Variants in SNTG2 observed in about 807,000 individuals in gnomAD.
SNTG2 encodes the protein gamma-2-syntrophin.
Under a neutral mutation model 70.9 loss-of-function variants are expected in SNTG2, and 74 were observed. The ratio of observed to expected loss-of-function variants is 1.04; its 90% CI spans 0.86 to 1.27. SNTG2 has a LOEUF of 1.27. Among genes scored for constraint, SNTG2 ranks in the 50% most tolerant of loss-of-function variants. The pLI is 0.00. For missense variants in SNTG2, 717 were observed against 690.7 expected (o/e 1.04, Z -0.43); for synonymous variants, 278 against 273.8 (o/e 1.02, Z -0.15).
At chr2:1,189,012 T>C (rs946855639) in intron 8 of SNTG2, among the ~76,000 whole-genome samples, 1 of 152,080 alleles carries the variant, frequency 6.6e-6, no homozygotes, top group South Asian at 2.1e-4. Context: ...CAAAACATGA[T>C]TATTGTCAAA....
intron 14 of SNTG2, among the ~76,000 whole-genome samples, chr2:1,301,784 T>TA (rs533637487): frequency 6.6e-6 from 1 of 151,954 alleles, no homozygotes; most frequent in East Asian, 1.9e-4. Flanking sequence ...CATTTTCTGA[T>TA]AAAAAAAATT....
At chr2:1,004,748 T>G (rs114304377) in intron 1 of SNTG2, among the ~76,000 whole-genome samples, 1,649 of 152,302 alleles carry the variant, frequency 0.011, 32 homozygotes, top group African/African-American at 0.036. Flanking sequence ...GGAAGACAGT[T>G]TGGTGGTTTC....
At chr2:1,230,210 G>A (rs1289310611) in intron 9 of SNTG2, among the ~76,000 whole-genome samples, 2 of 152,208 alleles carry the variant, frequency 1.3e-5, no homozygotes, top group Non-Finnish European at 2.9e-5. Context: ...CTTTGAAATG[G>A]AAAAAGGAAA....
intron 6 of SNTG2, among the ~76,000 whole-genome samples, chr2:1,151,363 TG>T (rs920834645): frequency 6.6e-6 from 1 of 152,034 alleles, no homozygotes; most frequent in Non-Finnish European, 1.5e-5. Context: ...CGTTTGTTGT[TG>T]GTTTGTTGGT....
chr2:1,361,871 G>T lies in SNTG2; in HGVS notation c.1489-5472G>T, dbSNP rs1216403965. 5.7e-3 allele frequency among the ~76,000 whole-genome samples: 442 copies of T among 77,006 alleles called. 1 individual carries two copies. Among genetic ancestry groups the T allele is most frequent in the East Asian group, 0.011 (20 of 1,826 alleles). The allele number at this position is 77,006 out of a possible 152,430, so 50.5% of individuals were successfully genotyped here. On this transcript the variant is annotated intron_variant, in intron 16 of 16. Coordinates refer to ENST00000308624, the MANE Select transcript of SNTG2 (RefSeq NM_018968.4). ...GCATTTCAGTAGAACTTCCATGAAA[G>T]TCACCAACGCTGAGCATTTCAGTAG...
At chr2:1,308,330 G>C (rs1227577162) in intron 14 of SNTG2, among the ~76,000 whole-genome samples, 164 bp from the exon 15 acceptor site, 2 of 152,170 alleles carry the variant, frequency 1.3e-5, no homozygotes, top group Non-Finnish European at 2.9e-5. Flanking sequence ...AGTTGTTCCT[G>C]TGGGTCTCCC....
chr2:1,222,348 G>A (rs146398034), intron 9 of SNTG2, among the ~76,000 whole-genome samples: 220 of 152,356 alleles, frequency 1.4e-3, no homozygotes, highest in African/African-American at 4.6e-3. Context: ...AGATAAATTC[G>A]TAACAAGTTG....
Position 1,206,545 on chromosome 2 carries a change from C to T in SNTG2, c.592-2558C>T, listed in dbSNP as rs538958466. Among the ~76,000 whole-genome samples, 10 of 152,228 alleles carry T rather than the reference C, an allele frequency of 6.6e-5. No homozygotes were observed. The South Asian group carries it at 2.1e-3, about 32-fold the overall frequency. Reference sequence around the variant, plus strand: ...TTAGCTCACAGAGACCTGACTTCTCCCCTAGCTGCTAGGTTATAGAAAATA... The same window carrying T: ...TTAGCTCACAGAGACCTGACTTCTCTCCTAGCTGCTAGGTTATAGAAAATA... On this transcript the variant is annotated intron_variant, in intron 8 of 16. Transcript: ENST00000308624.
intron 4 of SNTG2, among the ~76,000 whole-genome samples, chr2:1,115,904 C>G (rs754190851): frequency 2.0e-5 from 3 of 152,346 alleles, no homozygotes; most frequent in Non-Finnish European, 4.4e-5. Context: ...AATGTTCAAG[C>G]CCCATTCTGC....
intron 1 of SNTG2, among the ~76,000 whole-genome samples, chr2:1,016,886 C>G (rs1318066004): frequency 6.6e-6 from 1 of 152,168 alleles, no homozygotes; most frequent in Admixed American, 6.6e-5. Context: ...CAAAACCAGC[C>G]AGGACCAGAT....
intron 2 of SNTG2, among the ~76,000 whole-genome samples, chr2:1,091,932 A>G (rs1281428825): frequency 1.3e-5 from 2 of 152,190 alleles, no homozygotes; most frequent in Non-Finnish European, 2.9e-5. Flanking sequence ...CCCTCAGCCT[A>G]TTTAGGAAAT....
chr2:1,106,098 G>T (rs1330854478), intron 4 of SNTG2, among the ~76,000 whole-genome samples: 1 of 138,082 alleles, frequency 7.2e-6, no homozygotes, highest in Non-Finnish European at 1.5e-5. Context: ...CGGGTGCAGG[G>T]TATGGAGAGC....
chr2:1,141,191 C>T (rs6548201), intron 6 of SNTG2, among the ~76,000 whole-genome samples: 72,079 of 152,060 alleles, frequency 0.47, 18,066 homozygotes, highest in East Asian at 0.65. Context: ...GTTCCTAATA[C>T]AGAGCTGAAG....
chr2:1,188,122 G>C (rs901258132), intron 8 of SNTG2, among the ~76,000 whole-genome samples: 1 of 152,192 alleles, frequency 6.6e-6, no homozygotes, highest in Non-Finnish European at 1.5e-5. Context: ...CAGACACAGC[G>C]TGCTGAAAAC....
chr2:1,276,363 A>G (rs1420120670), intron 14 of SNTG2, among the ~76,000 whole-genome samples: 2 of 152,202 alleles, frequency 1.3e-5, no homozygotes, highest in African/African-American at 4.8e-5. Flanking sequence ...GTATATGGAG[A>G]CTTTAAGTTG....
chr2:1,114,773 G>A (rs1666821275), intron 4 of SNTG2, among the ~76,000 whole-genome samples: 1 of 152,056 alleles, frequency 6.6e-6, no homozygotes, highest in Admixed American at 6.6e-5. Flanking sequence ...ACTCCTTTGA[G>A]AAGGATCGTG....
chr2:1,076,700 G>A (rs1663940406), intron 1 of SNTG2, among the ~76,000 whole-genome samples: 2 of 151,866 alleles, frequency 1.3e-5, no homozygotes, highest in Non-Finnish European at 2.9e-5. Context: ...CAGTAAAATA[G>A]GTAAATTTAG....
intron 14 of SNTG2, among the ~76,000 whole-genome samples, chr2:1,285,816 C>G (rs1004746470): frequency 6.6e-6 from 1 of 152,120 alleles, no homozygotes; most frequent in Non-Finnish European, 1.5e-5. Flanking sequence ...AAGACCCAAA[C>G]CTTCATTCCT....
chr2:982,029 C>T (rs1572188224), intron 1 of SNTG2, among the ~76,000 whole-genome samples: 1 of 152,136 alleles, frequency 6.6e-6, no homozygotes, highest in Non-Finnish European at 1.5e-5. Context: ...CAGACACACA[C>T]TCACAAGCAC....
Sources: gnomAD v4.1 joint callset for allele counts (sites outside exome capture counted in the v4.1 genomes callset) on GRCh38, gnomAD v4.1.1 for gene constraint, MANE v1.5 for transcripts, NCBI Gene and HGNC (gene_info 2026-07-23, HGNC 2026-07-21) for gene names.